FBP2: variants seen among roughly 807,000 people sequenced by gnomAD.
FBP2 encodes fructose-1,6-bisphosphatase isozyme 2.
A neutral mutation model predicts 31.6 loss-of-function variants in FBP2; 27 were observed. The observed-to-expected ratio is 0.85, with a 90% CI of 0.63 to 1.18. The LOEUF is 1.18. Among genes scored for constraint, FBP2 ranks in the 50% most tolerant of loss-of-function variants. The pLI, the probability that FBP2 is intolerant of heterozygous loss-of-function variation, is 0.00. For missense variants in FBP2, 421 were observed against 436.1 expected (o/e 0.97, Z 0.31); for synonymous variants, 168 against 179.8 (o/e 0.93, Z 0.53).
chr9:94,593,076 G>T lies in FBP2; in HGVS notation c.170+481C>A, dbSNP rs545958186. Among the ~76,000 whole-genome samples the T allele has an allele frequency of 2.0e-5, 3 of 152,220 alleles. No individual in the cohort carries two copies. The South Asian group carries it at 6.2e-4, about 32-fold the overall frequency. On this transcript the variant is annotated intron_variant, in intron 1 of 6. Transcript: ENST00000375337. ...TAGCCAGCAAAACACTCCTTTAGAT[G>T]ATGAGAGAGCAGATGCAGGAAGGGG...
At chr9:94,561,318 C>T (rs1019010418) in intron 6 of FBP2, among the ~76,000 whole-genome samples, 1 of 148,498 alleles carries the variant, frequency 6.7e-6, no homozygotes, top group South Asian at 2.1e-4. Flanking sequence ...CTTCATGGCA[C>T]CTTGGCCTGC....
At chr9:94,578,940 C>G (rs959365928) in intron 3 of FBP2, among the ~76,000 whole-genome samples, 2 of 147,796 alleles carry the variant, frequency 1.4e-5, no homozygotes, top group Admixed American at 1.4e-4. Flanking sequence ...GTAGTCCCAG[C>G]TACTCAGGAG....
intron 4 of FBP2, chr9:94,569,578 A>T (rs769040897): frequency 6.6e-6 from 1 of 152,246 alleles, no homozygotes; most frequent in African/African-American, 2.4e-5. Context: ...TATTGTTTCC[A>T]CAGTTTTATT....
intron 6 of FBP2, 40 bp downstream of exon 6, chr9:94,563,302 C>A: frequency 6.2e-7 from 1 of 1,606,910 alleles, no homozygotes; most frequent in Non-Finnish European, 8.5e-7. Flanking sequence ...TCCCCCACCT[C>A]CCTGACCGGA....
At chr9:94,559,286 GA>G in intron 6 of FBP2, 154 bp from the exon 7 acceptor site, 2 of 659,514 alleles carry the variant, frequency 3.0e-6, no homozygotes, top group Non-Finnish European at 5.1e-6. Flanking sequence ...CCGAGCTTTA[GA>G]GCCTACAGCA....
At chr9:94,585,443 A>C (rs1827416465) in intron 2 of FBP2, among the ~76,000 whole-genome samples, 1 of 151,698 alleles carries the variant, frequency 6.6e-6, no homozygotes, top group Admixed American at 6.6e-5. Context: ...CAGTGGGAGA[A>C]CAGACAGAGA....
intron 3 of FBP2, among the ~76,000 whole-genome samples, chr9:94,582,283 A>G (rs1189223480): frequency 3.3e-5 from 5 of 152,124 alleles, no homozygotes. Flanking sequence ...TTCAATACAC[A>G]TATGTCAGGA....
chr9:94,590,372 T>C (rs1345345750), intron 1 of FBP2, among the ~76,000 whole-genome samples: 1 of 152,012 alleles, frequency 6.6e-6, no homozygotes, highest in East Asian at 1.9e-4. Context: ...AAAAGGAGAC[T>C]CTCATAACTT....
At position 94,593,762 on chromosome 9, in the gene FBP2, A is replaced by G. The variant is rs766155930; in HGVS notation, c.-36T>C. On this transcript the variant is annotated 5_prime_UTR_variant, in exon 1 of 7. Coordinates refer to ENST00000375337, the MANE Select transcript of FBP2 (RefSeq NM_003837.4). ...ATGCTTCAAATCCTTTTCTCCCGGC[A>G]GGAAACCTTGCTTACTTCTGAGGGC... The G allele has an allele frequency of 6.2e-7, 1 of 1,610,212 alleles. No homozygotes were observed. Among genetic ancestry groups the G allele is most frequent in the Middle Eastern group, 1.7e-4 (1 of 6,042 alleles).
intron 3 of FBP2, among the ~76,000 whole-genome samples, chr9:94,572,301 T>C (rs1483812617): frequency 1.3e-5 from 2 of 152,140 alleles, no homozygotes; most frequent in Admixed American, 1.3e-4. Flanking sequence ...TACATTTGTA[T>C]TGAGTTACCC....
chr9:94,561,950 A>T (rs1564179070), intron 6 of FBP2, among the ~76,000 whole-genome samples: 1 of 152,134 alleles, frequency 6.6e-6, no homozygotes, highest in Non-Finnish European at 1.5e-5. Flanking sequence ...CATTTGAATA[A>T]TTAGTAATAA....
intron 6 of FBP2, among the ~76,000 whole-genome samples, chr9:94,559,671 G>T (rs1365610298): frequency 6.6e-6 from 1 of 152,108 alleles, no homozygotes; most frequent in African/African-American, 2.4e-5. Flanking sequence ...CAATGGTCTT[G>T]TCTTTTGACC....
intron 4 of FBP2, chr9:94,570,138 C>T (rs1005829220): frequency 6.6e-6 from 1 of 152,196 alleles, no homozygotes; most frequent in Admixed American, 6.5e-5. Context: ...CAGACTGGGC[C>T]CTGCTTTCAT....
chr9:94,573,696 ATTTAT>A (rs1222448045), intron 3 of FBP2, among the ~76,000 whole-genome samples: 1 of 152,140 alleles, frequency 6.6e-6, no homozygotes, highest in Admixed American at 6.5e-5. Context: ...ATGGTGTATA[ATTTAT>A]TTTATGTATT....
intron 1 of FBP2, among the ~76,000 whole-genome samples, chr9:94,588,603 G>A (rs573478544): frequency 1.1e-4 from 17 of 152,284 alleles, no homozygotes; most frequent in African/African-American, 3.6e-4. Flanking sequence ...CAGCCTGAGC[G>A]ATGGAGGGAG....
At chr9:94,574,741 T>C (rs1406397664) in intron 3 of FBP2, among the ~76,000 whole-genome samples, 1 of 152,162 alleles carries the variant, frequency 6.6e-6, no homozygotes, top group Non-Finnish European at 1.5e-5. Flanking sequence ...CTTTTCTTTC[T>C]GGTTTTATTC....
chr9:94,592,019 T>A (rs1336399724), intron 1 of FBP2, among the ~76,000 whole-genome samples: 1 of 152,028 alleles, frequency 6.6e-6, no homozygotes, highest in Admixed American at 6.6e-5. Context: ...GGAGCCCAAT[T>A]TATGTGGATG....
At position 94,587,994 on chromosome 9, in the gene FBP2, G is replaced by A. The variant is rs555296268; in HGVS notation, c.171-525C>T. On this transcript the variant is annotated intron_variant, in intron 1 of 6. Transcript: ENST00000375337. ...CTCCGGAGTAGCTGGGACTACAGGCGCCCGCCACCACGCCCGGCTAATTTT... is the reference window on the plus strand; with the variant it reads ...CTCCGGAGTAGCTGGGACTACAGGCACCCGCCACCACGCCCGGCTAATTTT... 3.9e-5 allele frequency among the ~76,000 whole-genome samples: 6 copies of A among 152,054 alleles called. No individual in the cohort carries two copies. The East Asian group carries it at 5.8e-4, about 15-fold the overall frequency.
rs778979791 is a variant in FBP2 at position 94,563,355 on chromosome 9, C to G, written c.812G>C (p.Ser271Thr). 1 of 1,614,048 alleles carries G rather than the reference C, an allele frequency of 6.2e-7. No individual in the cohort carries two copies. Among genetic ancestry groups the G allele is most frequent in the South Asian group, 1.1e-5 (1 of 91,070 alleles). The change falls in exon 6 of 7, where the codon AGC becomes ACC. Residue 271 changes from serine to threonine, a missense_variant. By Grantham distance (58) the Ser-to-Thr change is moderately conservative (BLOSUM62 1). Transcript: ENST00000375337. The stretch of plus-strand genomic sequence containing the variant: ...AGGGAGAATTACCTTGCCCTTAGGG[C>G]TCTTCTGGTTGGCTGGGTACAGGAA... ...GIFLYPANQK[S>T]PKGKLRLLYE...
Sources: allele counts gnomAD v4.1 joint callset (sites outside exome capture counted in the v4.1 genomes callset), GRCh38; gene constraint gnomAD v4.1.1; transcripts MANE v1.5; gene names NCBI Gene and HGNC (gene_info 2026-07-23, HGNC 2026-07-21).